The following DICER1 variants were observed in gnomAD, a reference collection of about 807,000 sequenced individuals.
DICER1 encodes the protein dicer 1, ribonuclease III.
A neutral mutation model predicts 194.1 loss-of-function variants in DICER1; 43 were observed. The ratio of observed to expected loss-of-function variants is 0.22; its 90% CI spans 0.17 to 0.29. The LOEUF (loss-of-function observed/expected upper bound fraction) is 0.29, where lower values mean the gene tolerates loss of function less well. Among genes scored for constraint, DICER1 ranks in the 10% least tolerant of loss-of-function variants. DICER1 has a pLI of 1.00. For synonymous variants in DICER1, 832 were observed against 820.5 expected (o/e 1.01, Z -0.24); for missense variants, 1,608 against 2,317.0 (o/e 0.69, Z 6.28).
intron 1 of DICER1, among the ~76,000 whole-genome samples, chr14:95,143,199 CA>C (rs1894925665): frequency 6.6e-6 from 1 of 152,102 alleles, no homozygotes. Context: ...TTCCTAGTAA[CA>C]AAAGTGCTAT....
At chr14:95,149,376 CAT>C (rs1490923428) in intron 1 of DICER1, among the ~76,000 whole-genome samples, 1 of 152,180 alleles carries the variant, frequency 6.6e-6, no homozygotes. Context: ...CGCAACATCT[CAT>C]GTTATCTGCC....
At chr14:95,156,483 G>A (rs1566838427) in intron 1 of DICER1, among the ~76,000 whole-genome samples, 1 of 152,218 alleles carries the variant, frequency 6.6e-6, no homozygotes. Flanking sequence ...GACACACTCA[G>A]TGGTTTGCTG....
intron 1 of DICER1, among the ~76,000 whole-genome samples, chr14:95,149,744 T>C (rs1454302037): frequency 1.3e-5 from 2 of 152,246 alleles, no homozygotes; most frequent in Non-Finnish European, 1.5e-5. Flanking sequence ...TAATTTTTTA[T>C]TAATTAATTC....
At chr14:95,096,892 AT>A (rs1441340164) in intron 22 of DICER1, among the ~76,000 whole-genome samples, 179 bp from the exon 23 acceptor site, 1 of 152,280 alleles carries the variant, frequency 6.6e-6, no homozygotes, top group Non-Finnish European at 1.5e-5. Flanking sequence ...ATTTAATCAT[AT>A]AAACAAAGTA....
At chr14:95,099,737 CA>C in intron 22 of DICER1, 42 bp downstream of exon 22, 1 of 522,704 alleles carries the variant, frequency 1.9e-6, no homozygotes. Flanking sequence ...CAGTTACACA[CA>C]CACACACACA....
chr14:95,102,512 CCT>C (rs1293320152), intron 21 of DICER1, among the ~76,000 whole-genome samples: 2 of 152,110 alleles, frequency 1.3e-5, no homozygotes, highest in East Asian at 3.9e-4. Context: ...CGGCTGCTTC[CCT>C]GACGCTGACA....
intron 11 of DICER1, among the ~76,000 whole-genome samples, chr14:95,114,733 G>C (rs181468673): frequency 5.1e-4 from 78 of 152,278 alleles, no homozygotes; most frequent in Admixed American, 1.4e-3. Flanking sequence ...GTTACCACCG[G>C]TAAGGGCACA....
At chr14:95,152,454 G>C (rs1895577475) in intron 1 of DICER1, among the ~76,000 whole-genome samples, 1 of 152,226 alleles carries the variant, frequency 6.6e-6, no homozygotes, top group African/African-American at 2.4e-5. Flanking sequence ...ACAAATCGGA[G>C]TGTCTCCTAT....
intron 10 of DICER1, among the ~76,000 whole-genome samples, chr14:95,116,116 T>G (rs1222213671): frequency 1.3e-5 from 2 of 151,904 alleles, no homozygotes; most frequent in Admixed American, 1.3e-4. Context: ...TGAATGTAAC[T>G]ACCATGTCAT....
At position 95,086,493 on chromosome 14, in the gene DICER1, C is replaced by T. The variant is rs886050927; in HGVS notation, c.*4005G>A. ...CAGCAGAAAAGCCAGAAATTTACTTCCTGTTCACCTTTGCATTTTTGCTAT... is the reference window on the plus strand; with the variant it reads ...CAGCAGAAAAGCCAGAAATTTACTTTCTGTTCACCTTTGCATTTTTGCTAT... On this transcript the variant is annotated 3_prime_UTR_variant, in exon 27 of 27. Coordinates refer to ENST00000343455, the MANE Select transcript of DICER1 (RefSeq NM_177438.3). The T allele has an allele frequency of 1.7e-5, 4 of 233,242 alleles. No individual in the cohort carries two copies. In the South Asian group the frequency reaches 7.2e-4, roughly 42 times the overall value. The allele number at this position is 233,242 out of a possible 1,614,324, so 14.4% of individuals were successfully genotyped here. A position where few individuals can be genotyped will look rare whatever the true frequency, so the allele number is the denominator to read the frequency against.
chr14:95,141,644 G>GGGGC (rs1894835307), intron 1 of DICER1: 1 of 152,150 alleles, frequency 6.6e-6, no homozygotes, highest in South Asian at 2.1e-4. Context: ...AAAGCAGACT[G>GGGGC]GGGCAACCTT....
intron 1 of DICER1, among the ~76,000 whole-genome samples, chr14:95,135,230 C>T (rs143533934): frequency 4.5e-4 from 68 of 152,340 alleles, no homozygotes; most frequent in African/African-American, 1.5e-3. Context: ...TAGCACTATT[C>T]ACCCTTAAGC....
intron 1 of DICER1, among the ~76,000 whole-genome samples, chr14:95,144,739 G>A (rs1307363422): frequency 1.3e-5 from 2 of 152,148 alleles, no homozygotes; most frequent in Admixed American, 6.5e-5. Flanking sequence ...ATGGGGATCA[G>A]GAGATGCCAC....
chr14:95,116,787 T>TACTTTTA, intron 9 of DICER1, 92 bp from the exon 10 acceptor site: 1 of 1,287,720 alleles, frequency 7.8e-7, no homozygotes, highest in Non-Finnish European at 1.1e-6. Flanking sequence ...AACTGTCATT[T>TACTTTTA]CTGACACACA....
chr14:95,090,994 T>A, intron 26 of DICER1, 40 bp downstream of exon 26: 1 of 1,559,696 alleles, frequency 6.4e-7, no homozygotes, highest in Non-Finnish European at 8.8e-7. Context: ...CCTTTGATGT[T>A]TTTAAGTTAA....
chr14:95,124,065 G>C lies in DICER1; in HGVS notation c.1376+131C>G. The C allele has an allele frequency of 1.4e-6, 1 of 695,248 alleles. No individual in the cohort carries two copies. The highest frequency in any genetic ancestry group is 2.5e-6 in the Non-Finnish European group (1 of 395,498). The allele number at this position is 695,248 out of a possible 1,614,324, so 43.1% of individuals were successfully genotyped here. A position where few individuals can be genotyped will look rare whatever the true frequency, so the allele number is the denominator to read the frequency against. On this transcript the variant is annotated intron_variant, in intron 8 of 26. Transcript: ENST00000343455. The surrounding 1 kb of genome is among the most constrained non-coding windows in gnomAD (Gnocchi z 4.5). ...AATCCCAGGACAGCATGACGTATCA[G>C]CAATGATGGCGCCAAGTCAAGGACA...
chr14:95,137,079 A>G (rs1894429021), intron 1 of DICER1, among the ~76,000 whole-genome samples: 1 of 152,030 alleles, frequency 6.6e-6, no homozygotes, highest in Non-Finnish European at 1.5e-5. Flanking sequence ...GAAAGGAAAA[A>G]AAGGAAAGAA....
chr14:95,139,296 G>A (rs1246546962), intron 1 of DICER1, among the ~76,000 whole-genome samples: 1 of 152,160 alleles, frequency 6.6e-6, no homozygotes. Flanking sequence ...ACTAAAATAT[G>A]ACCAATTAGA....
Position 95,106,114 on chromosome 14 carries a change from A to G in DICER1, c.2914T>C (p.Tyr972His). The change falls in exon 18 of 27, where the codon TAT becomes CAT. Residue 972 changes from tyrosine (Y) to histidine (H), a missense_variant. This residue lies in a region of DICER1 where 79 missense variants were observed against 176.1 expected (regional missense o/e 0.45). Transcript: ENST00000343455. ...SPEYETFAEY[Y>H]KTKYNLDLTN... ...AGGTCAAGGTTGTACTTTGTTTTATAATATTCTGCAAAAGTTTCATACTCA... is the reference window on the plus strand; with the variant it reads ...AGGTCAAGGTTGTACTTTGTTTTATGATATTCTGCAAAAGTTTCATACTCA... 6.2e-7 allele frequency: 1 copy of G among 1,614,180 alleles called. No individual in the cohort carries two copies. Among genetic ancestry groups the G allele is most frequent in the Non-Finnish European group, 8.5e-7 (1 of 1,180,012 alleles).
Sources: allele counts gnomAD v4.1 joint callset (sites outside exome capture counted in the v4.1 genomes callset), GRCh38; gene constraint gnomAD v4.1.1; regional missense constraint gnomAD v4.1.1; non-coding constraint Gnocchi (gnomAD v3.1); transcripts MANE v1.5; gene names NCBI Gene and HGNC (gene_info 2026-07-23, HGNC 2026-07-21).